Variants in RORB observed in about 807,000 individuals in gnomAD.
RORB encodes nuclear receptor ROR-beta.
Under a neutral mutation model 59.1 loss-of-function variants are expected in RORB, and 6 were observed. That is an observed-to-expected ratio of 0.10 (90% confidence interval 0.06 to 0.20). The LOEUF (loss-of-function observed/expected upper bound fraction) is 0.20, where lower values mean the gene tolerates loss of function less well. Ranked by LOEUF, RORB falls within the 10% of genes least tolerant of loss-of-function variation. RORB has a pLI of 1.00. For missense variants in RORB, 320 were observed against 560.5 expected (o/e 0.57, Z 4.33); for synonymous variants, 215 against 204.5 (o/e 1.05, Z -0.44).
intron 1 of RORB, among the ~76,000 whole-genome samples, chr9:74,508,680 C>G (rs1825898247): frequency 6.6e-6 from 1 of 151,968 alleles, no homozygotes; most frequent in Admixed American, 6.6e-5. Context: ...CAGTCTCAAG[C>G]ACAGCAAAAC....
chr9:74,642,931 C>T (rs967754196), intron 4 of RORB, 116 bp downstream of exon 4: 3 of 678,102 alleles, frequency 4.4e-6, no homozygotes, highest in Non-Finnish European at 7.0e-6. Context: ...GGATTCACAG[C>T]TTCTACTGAG....
intron 1 of RORB, among the ~76,000 whole-genome samples, chr9:74,603,908 AAT>A (rs2118330944): frequency 6.6e-6 from 1 of 152,332 alleles, no homozygotes; most frequent in African/African-American, 2.4e-5. Context: ...GTGCTGTAAT[AAT>A]ATATTAAAAG....
intron 1 of RORB, among the ~76,000 whole-genome samples, chr9:74,570,715 TTG>T (rs1404982610): frequency 7.6e-6 from 1 of 131,336 alleles, no homozygotes; most frequent in Non-Finnish European, 1.7e-5. Context: ...GCTTATGAAT[TTG>T]TGTGTGCACA....
chr9:74,649,595 A>G (rs1347931441), intron 4 of RORB, among the ~76,000 whole-genome samples: 1 of 152,076 alleles, frequency 6.6e-6, no homozygotes, highest in Admixed American at 6.6e-5. Context: ...TCCTCTAATA[A>G]CCCCGCAAAG....
intron 1 of RORB, among the ~76,000 whole-genome samples, chr9:74,516,597 A>G (rs1345338379): frequency 6.6e-6 from 1 of 152,050 alleles, no homozygotes; most frequent in Non-Finnish European, 1.5e-5. Flanking sequence ...TTGCCTCTTA[A>G]TGATTTAGGG....
At chr9:74,638,315 A>G (rs1403508178) in intron 3 of RORB, among the ~76,000 whole-genome samples, 16 of 152,236 alleles carry the variant, frequency 1.1e-4, no homozygotes, top group Admixed American at 1.0e-3. Flanking sequence ...TATTCCATTT[A>G]GAATACCACA....
intron 5 of RORB, among the ~76,000 whole-genome samples, chr9:74,661,089 G>A (rs1824172756): frequency 6.6e-6 from 1 of 152,206 alleles, no homozygotes; most frequent in Admixed American, 6.5e-5. Context: ...AGGAGCAGGA[G>A]CAATGTAATA....
intron 1 of RORB, among the ~76,000 whole-genome samples, chr9:74,541,089 T>C (rs1462345599): frequency 1.3e-5 from 2 of 151,906 alleles, no homozygotes; most frequent in African/African-American, 4.8e-5. Context: ...AAGACCAGCC[T>C]GGCCAACATG....
chr9:74,520,101 C>T (rs1166741839), intron 1 of RORB, among the ~76,000 whole-genome samples: 1 of 150,658 alleles, frequency 6.6e-6, no homozygotes, highest in Non-Finnish European at 1.5e-5. Flanking sequence ...ATTTCGCAGA[C>T]GATGAAGAAA....
intron 1 of RORB, among the ~76,000 whole-genome samples, chr9:74,557,972 G>T (rs1166366254): frequency 6.6e-6 from 1 of 152,034 alleles, no homozygotes; most frequent in Non-Finnish European, 1.5e-5. Flanking sequence ...ACCAATTACT[G>T]TATAAAATTT....
chr9:74,630,086 C>T (rs1044623122), intron 1 of RORB, 196 bp from the exon 2 acceptor site: 1 of 256,030 alleles, frequency 3.9e-6, no homozygotes, highest in Non-Finnish European at 6.1e-6. Flanking sequence ...CAAACTGTGG[C>T]AGAGAAATGT....
intron 1 of RORB, among the ~76,000 whole-genome samples, chr9:74,538,174 C>A (rs2118122749): frequency 6.6e-6 from 1 of 152,100 alleles, no homozygotes; most frequent in South Asian, 2.1e-4. Context: ...ATAGTTAAAC[C>A]ATATAGCCTA....
At chr9:74,646,542 T>C (rs987033917) in intron 4 of RORB, among the ~76,000 whole-genome samples, 1 of 152,218 alleles carries the variant, frequency 6.6e-6, no homozygotes, top group Non-Finnish European at 1.5e-5. Context: ...TAGAAAATCA[T>C]TTCATGCATT....
chr9:74,666,737 T>G (rs1824272142), intron 7 of RORB, among the ~76,000 whole-genome samples: 1 of 152,210 alleles, frequency 6.6e-6, no homozygotes, highest in African/African-American at 2.4e-5. Context: ...ACAGAGTTCA[T>G]GCCAACCTGT....
chr9:74,574,295 G>A (rs944019970), intron 1 of RORB, among the ~76,000 whole-genome samples: 3 of 152,082 alleles, frequency 2.0e-5, no homozygotes, highest in African/African-American at 7.2e-5. Flanking sequence ...AATAAAGTAT[G>A]ATCTTAATTG....
chr9:74,542,185 T>C (rs1256064219), intron 1 of RORB, among the ~76,000 whole-genome samples: 1 of 152,058 alleles, frequency 6.6e-6, no homozygotes, highest in Non-Finnish European at 1.5e-5. Context: ...CAAAATACCC[T>C]AACTGAAACA....
intron 9 of RORB, among the ~76,000 whole-genome samples, chr9:74,683,639 C>A (rs1473690288): frequency 1.3e-5 from 2 of 152,158 alleles, no homozygotes; most frequent in African/African-American, 4.8e-5. Context: ...CCCTCTGCCC[C>A]AGCACCTAAT....
At chr9:74,517,144 A>T (rs1256202107) in intron 1 of RORB, among the ~76,000 whole-genome samples, 1 of 151,998 alleles carries the variant, frequency 6.6e-6, no homozygotes, top group Non-Finnish European at 1.5e-5. Flanking sequence ...TCAAAATTTC[A>T]TCTGAGTCTA....
At chr9:74,657,920 A>G (rs984237181) in intron 4 of RORB, among the ~76,000 whole-genome samples, 1 of 144,168 alleles carries the variant, frequency 6.9e-6, no homozygotes, top group Non-Finnish European at 1.5e-5. Flanking sequence ...CATGAGAATC[A>G]CTTGAACCTG....
Sources: allele counts gnomAD v4.1 joint callset (sites outside exome capture counted in the v4.1 genomes callset), GRCh38; gene constraint gnomAD v4.1.1; transcripts MANE v1.5; gene names NCBI Gene and HGNC (gene_info 2026-07-23, HGNC 2026-07-21).